The following DNASE1 variants were observed in gnomAD, a reference collection of about 807,000 sequenced individuals.
DNASE1 encodes the protein deoxyribonuclease 1, also known as deoxyribonuclease-1.
DNASE1 carries 40 observed loss-of-function variants against 33.9 expected under a neutral mutation model. The ratio of observed to expected loss-of-function variants is 1.18; its 90% CI spans 0.92 to 1.54. DNASE1 has a LOEUF of 1.54. Ranked by LOEUF, DNASE1 falls within the 40% of genes most tolerant of loss-of-function variation. DNASE1 has a pLI of 0.00. For synonymous variants in DNASE1, 216 were observed against 160.0 expected (o/e 1.35, Z -2.64); for missense variants, 518 against 372.6 (o/e 1.39, Z -3.21).
chr16:3,650,041 C>T (rs1013371923), upstream of DNASE1, among the ~76,000 whole-genome samples: 1 of 151,976 alleles, frequency 6.6e-6, no homozygotes, highest in Non-Finnish European at 1.5e-5. Flanking sequence ...CGCTAAGTGG[C>T]GAAATCAACT....
chr16:3,653,841 A>AAAAAAAAAAAAAAAAATG (rs781310896), upstream of DNASE1: 2 of 125,056 alleles, frequency 1.6e-5, no homozygotes, highest in Non-Finnish European at 1.7e-5. Flanking sequence ...AAAAAAAAAA[A>AAAAAAAAAAAAAAAAATG]CTGAGCATGG....
At chr16:3,631,229 GT>G (rs956517187) in intron 1 of DNASE1, among the ~76,000 whole-genome samples, 4 of 151,940 alleles carry the variant, frequency 2.6e-5, no homozygotes, top group Non-Finnish European at 5.9e-5. Context: ...TTGAGACAGA[GT>G]CTTGGTCTGT....
upstream of DNASE1, among the ~76,000 whole-genome samples, chr16:3,639,891 GTC>G (rs1320945689): frequency 1.3e-5 from 2 of 152,114 alleles, no homozygotes; most frequent in Non-Finnish European, 2.9e-5. Flanking sequence ...GTGAGACCCT[GTC>G]TCTGCAAAAA....
At chr16:3,664,122 C>T in exon 10 of DNASE1, 1 of 787,012 alleles carries the variant, frequency 1.3e-6, no homozygotes, top group East Asian at 3.1e-5. Context: ...AAACAGCCGT[C>T]ACAGTCGGTC....
rs1385562281 is a variant in DNASE1, at chr16:3,657,312, AG to A, written c.676del (p.Ala226LeufsTer38). The stretch of plus-strand genomic sequence containing the variant: ...TGATCCCCGACAGCGCTGACACCAC[AG>A]CTACACCCACGCACTGTGCCTATGA... ...WLIPDSADTT[A>X]TPTHCAYDRI... On this transcript the variant is annotated frameshift_variant, in exon 7 of 9. Transcript: ENST00000246949. LOFTEE classifies it high-confidence loss of function. The A allele has an allele frequency of 6.2e-7, 1 of 1,613,698 alleles. No individual in the cohort carries two copies. The highest frequency in any genetic ancestry group is 1.7e-5 in the Admixed American group (1 of 60,014).
rs1337836014 is a variant in DNASE1 at position 3,657,327 on chromosome 16, C to G, written c.690C>G (p.His230Gln). Residue 230 changes from histidine to glutamine, a missense_variant, in exon 7 of 9, where the codon CAC becomes CAG. Physicochemically the swap from His to Gln is conservative, Grantham distance 24. Coordinates refer to ENST00000246949, the MANE Select transcript of DNASE1 (RefSeq NM_005223.4). ...DSADTTATPT[H>Q]CAYDRIVVAG... is the part of the protein sequence containing the mutation. ...CTGACACCACAGCTACACCCACGCACTGTGCCTATGACAGGTGAGCAGGGC... is the reference window on the plus strand; with the variant it reads ...CTGACACCACAGCTACACCCACGCAGTGTGCCTATGACAGGTGAGCAGGGC... The G allele has an allele frequency of 6.2e-7, 1 of 1,613,386 alleles. No individual in the cohort carries two copies. Among genetic ancestry groups the G allele is most frequent in the Non-Finnish European group, 8.5e-7 (1 of 1,180,030 alleles).
chr16:3,643,339 G>A (rs551861697), intron 1 of DNASE1, among the ~76,000 whole-genome samples: 10 of 152,270 alleles, frequency 6.6e-5, no homozygotes, highest in Non-Finnish European at 1.2e-4. Flanking sequence ...GAAAAGCAGA[G>A]TGGGATTTTT....
chr16:3,656,817 G>A (rs2042678228), intron 5 of DNASE1, 64 bp downstream of exon 5: 1 of 1,548,122 alleles, frequency 6.5e-7, no homozygotes, highest in Middle Eastern at 1.7e-4. Flanking sequence ...CCCCTCCTAG[G>A]GAACCTGGAA....
chr16:3,662,884 T>A, downstream of DNASE1: 2 of 1,613,576 alleles, frequency 1.2e-6, no homozygotes, highest in Non-Finnish European at 1.7e-6. Context: ...AGCCTCACCT[T>A]CACGTTGGTG....
chr16:3,644,608 G>A lies in DNASE1; in HGVS notation c.-86+1572G>A, dbSNP rs969271574. ...AAATTAGCCGGGGATGGTGGCACAT[G>A]CCTGTGGTCCCAGCTACTTGAGAGA... On this transcript the variant is annotated intron_variant, in intron 1 of 9. Transcript: ENST00000407479. 5.3e-5 allele frequency among the ~76,000 whole-genome samples: 8 copies of A among 151,996 alleles called. No individual in the cohort carries two copies. The East Asian group carries it at 1.6e-3, about 29-fold the overall frequency.
intron 1 of DNASE1, among the ~76,000 whole-genome samples, chr16:3,616,288 T>G (rs542007336): frequency 6.6e-6 from 1 of 152,324 alleles, no homozygotes; most frequent in South Asian, 2.1e-4. Context: ...CAACAACGTT[T>G]TAATTTTTTT....
intron 1 of DNASE1, among the ~76,000 whole-genome samples, chr16:3,625,544 G>T (rs2041481423): frequency 6.6e-6 from 1 of 152,028 alleles, no homozygotes; most frequent in African/African-American, 2.4e-5. Flanking sequence ...GATCGCTTGA[G>T]CCCAGGAGGT....
downstream of DNASE1, chr16:3,658,137 G>T: frequency 6.2e-7 from 1 of 1,613,948 alleles, no homozygotes; most frequent in Non-Finnish European, 8.5e-7. Flanking sequence ...TGTCAGTGTC[G>T]CTCCAGGGCC....
intron 1 of DNASE1, among the ~76,000 whole-genome samples, chr16:3,620,855 C>T (rs958398781): frequency 2.0e-5 from 3 of 151,944 alleles, no homozygotes; most frequent in Non-Finnish European, 4.4e-5. Context: ...GGCTGGAGTG[C>T]AGTGGCGCAA....
In DNASE1 at chr16:3,632,220, A is replaced by G. The variant is rs181299936; in HGVS notation, c.-1358-8495A>G. Reference sequence around the variant, plus strand: ...TGGATGAAGTGCTCTATAGATGTCAATTCTGTCTGGTTGCTTGATGGTGCT... The same window carrying G: ...TGGATGAAGTGCTCTATAGATGTCAGTTCTGTCTGGTTGCTTGATGGTGCT... On this transcript the variant is annotated intron_variant and NMD_transcript_variant, in intron 1 of 11. Coordinates refer to the DNASE1 transcript ENST00000570769. 1.7e-3 allele frequency among the ~76,000 whole-genome samples: 260 copies of G among 152,286 alleles called. 2 individuals carry two copies. Among genetic ancestry groups the G allele is most frequent in the African/African-American group, 5.6e-3 (234 of 41,556 alleles).
chr16:3,655,759 C>T, intron 2 of DNASE1, 90 bp from the exon 3 acceptor site: 1 of 1,530,342 alleles, frequency 6.5e-7, no homozygotes, highest in Non-Finnish European at 9.0e-7. Context: ...CGAGCAATGC[C>T]ACGAGCATCA....
At chr16:3,662,965 C>T (rs549044388), downstream of DNASE1, 27 of 1,608,444 alleles carry the variant, frequency 1.7e-5, no homozygotes, top group South Asian at 8.8e-5. Flanking sequence ...AGGCACTCGG[C>T]GGCTGCGGAA....
downstream of DNASE1, chr16:3,662,622 C>A: frequency 1.5e-6 from 1 of 660,904 alleles, no homozygotes. Flanking sequence ...ATTGCAGCTC[C>A]CACTCAGGAT....
intron 1 of DNASE1, among the ~76,000 whole-genome samples, chr16:3,628,199 A>G (rs2041581913): frequency 6.6e-6 from 1 of 152,004 alleles, no homozygotes; most frequent in African/African-American, 2.4e-5. Context: ...TTTTAATGCT[A>G]TTGTAAGTGG....
Sources: allele counts gnomAD v4.1 joint callset (sites outside exome capture counted in the v4.1 genomes callset), GRCh38; gene constraint gnomAD v4.1.1; transcripts MANE v1.5; gene names NCBI Gene and HGNC (gene_info 2026-07-23, HGNC 2026-07-21).